Variants in TASOR2 observed in about 807,000 individuals in gnomAD.
TASOR2 encodes the protein protein TASOR 2.
Under a neutral mutation model 199.5 loss-of-function variants are expected in TASOR2, and 84 were observed. That is an observed-to-expected ratio of 0.42 (90% CI 0.35 to 0.50). The LOEUF (loss-of-function observed/expected upper bound fraction) is 0.50. Ranked by LOEUF, TASOR2 falls within the 20% of genes least tolerant of loss-of-function variation. The pLI is 0.02. For synonymous variants in TASOR2, 1,103 were observed against 1,046.6 expected, an observed-to-expected ratio of 1.05 and a Z score of -1.04; for missense variants, 2,796 against 2,835.9, an observed-to-expected ratio of 0.99 and a Z score of 0.32.
chr10:5,709,772 A>C (rs1199691355), intron 1 of TASOR2: 1 of 989,854 alleles, frequency 1.0e-6, no homozygotes, highest in Non-Finnish European at 1.3e-6. Flanking sequence ...GACTTTAAAA[A>C]ATTATGATTT....
Position 5,686,565 on chromosome 10 carries a change from A to G in TASOR2, c.-288+1390A>G, listed in dbSNP as rs554080016. Among the ~76,000 whole-genome samples, 82 of 152,336 alleles carry G rather than the reference A, an allele frequency of 5.4e-4. No homozygotes were observed. In the South Asian group the frequency reaches 5.4e-3, roughly 10 times the overall value. On this transcript the variant is annotated intron_variant, in intron 1 of 20. Coordinates refer to ENST00000328090, the Ensembl canonical transcript of TASOR2. ...AGTATTTCTGTAGAATTGACTCCTT[A>G]TGAGAGTGCTGGATAACCATGTTGC...
rs988230756 is a variant in TASOR2 at position 5,720,519 on chromosome 10, A to T, written c.-99-25A>T. On this transcript the variant is annotated intron_variant, in intron 3 of 20. Coordinates refer to ENST00000328090, the Ensembl canonical transcript of TASOR2. The surrounding 1 kb of genome is among the most constrained non-coding windows in gnomAD (Gnocchi z 5.3). ...TATGCAGTTCCATAGTGCTACCCTGATAATACTTATTTTTCCTCTTTCAGT... is the reference window on the plus strand; with the variant it reads ...TATGCAGTTCCATAGTGCTACCCTGTTAATACTTATTTTTCCTCTTTCAGT... 2.6e-6 allele frequency: 4 copies of T among 1,548,780 alleles called. No homozygotes were observed. The African/African-American group carries it at 5.5e-5, about 21-fold the overall frequency.
chr10:5,712,674 T>C, intron 1 of TASOR2, 149 bp from the exon 2 acceptor site: 1 of 807,054 alleles, frequency 1.2e-6, no homozygotes, highest in East Asian at 3.4e-5. Context: ...AATAGTCACT[T>C]GGAAGGTAAT....
intron 16 of TASOR2, 35 bp downstream of exon 17, chr10:5,756,773 C>G: frequency 6.2e-7 from 1 of 1,601,838 alleles, no homozygotes. Context: ...AAACGTATTC[C>G]AGGCACATAA....
intron 16 of TASOR2, among the ~76,000 whole-genome samples, chr10:5,757,066 T>C (rs980548540): frequency 6.6e-6 from 1 of 152,246 alleles, no homozygotes; most frequent in Admixed American, 6.5e-5. Context: ...TGAACCATTA[T>C]ATTTACCAGC....
At chr10:5,762,130 G>A (rs1276684131) in intron 19 of TASOR2, among the ~76,000 whole-genome samples, 5 of 152,002 alleles carry the variant, frequency 3.3e-5, no homozygotes. Flanking sequence ...GGCAGGTGTG[G>A]TGATGTGTGC....
rs184954504 is a variant in TASOR2 at position 5,746,410 on chromosome 10, G to A, written c.2989G>A (p.Gly997Ser). 6,052 of 1,614,060 alleles carry A rather than the reference G, an allele frequency of 3.7e-3. 48 individuals carry two copies. The highest frequency in any genetic ancestry group is 2.7e-3 in the Non-Finnish European group (3,243 of 1,180,008). The change falls in exon 15 of 21, where the codon GGC (glycine) becomes AGC (serine). Residue 997 changes from glycine (G) to serine (S), a missense_variant. Physicochemically the swap from Gly to Ser is moderately conservative, Grantham distance 56. Around this residue, in one of 3 missense-constraint regions of TASOR2, gnomAD observed 1,941 missense variants for 1,924.9 expected, o/e 1.01. Coordinates refer to ENST00000328090, the Ensembl canonical transcript of TASOR2. ...AGTGATATGTCAGAGCTCTGTGTACGGCACCCTTGAAAACAAAGTGGATAT... is the reference window on the plus strand; with the variant it reads ...AGTGATATGTCAGAGCTCTGTGTACAGCACCCTTGAAAACAAAGTGGATAT...
At chr10:5,734,380 A>T (rs1835265926) in intron 11 of TASOR2, among the ~76,000 whole-genome samples, 1 of 152,254 alleles carries the variant, frequency 6.6e-6, no homozygotes, top group South Asian at 2.1e-4. Context: ...CAGGCTTCCC[A>T]GAGCGCTTCT....
At chr10:5,762,320 A>T (rs979489655) in intron 19 of TASOR2, among the ~76,000 whole-genome samples, 89 of 150,548 alleles carry the variant, frequency 5.9e-4, no homozygotes, top group Non-Finnish European at 9.3e-4. Context: ...TTTTTCAGGG[A>T]TTTTTTTTCA....
rs1835681891 is a variant in TASOR2 at position 5,685,290 on chromosome 10, C to G, written c.-288+115C>G. 2.5e-6 allele frequency: 1 copy of G among 396,526 alleles called. No homozygotes were observed. The highest frequency in any genetic ancestry group is 4.4e-5 in the Admixed American group (1 of 22,658). The allele number at this position is 396,526 out of a possible 1,614,324, so 24.6% of individuals were successfully genotyped here. A position where few individuals can be genotyped will look rare whatever the true frequency, so the allele number is the denominator to read the frequency against. ...TGGCTGCGAGGGTCGACGCGTTCTC[C>G]TTGCCTTTTGCCGCGCTCCGGGTGA... On this transcript the variant is annotated intron_variant, in intron 1 of 20. Transcript: ENST00000328090. This position sits in a 1 kb window ranked among gnomAD's most constrained non-coding sequence, Gnocchi z 5.4.
chr10:5,695,106 T>C (rs765134857), intron 1 of TASOR2, among the ~76,000 whole-genome samples: 10 of 152,360 alleles, frequency 6.6e-5, no homozygotes, highest in Middle Eastern at 3.4e-3. Flanking sequence ...TCATTTCTTT[T>C]TCTGAGTTTC....
intron 1 of TASOR2, chr10:5,712,369 C>A (rs562757299): frequency 8.1e-7 from 1 of 1,230,082 alleles, no homozygotes; most frequent in Non-Finnish European, 1.0e-6. Flanking sequence ...TAAATAGCTG[C>A]GTTATTTTTG....
At position 5,748,737 on chromosome 10, in the gene TASOR2, G is replaced by T; in HGVS notation, c.5316G>T (p.Leu1772Phe). The change falls in exon 15 of 21, where the codon TTG becomes TTT. Residue 1772 changes from leucine (L) to phenylalanine (F), a missense_variant. By Grantham distance (22) the Leu-to-Phe change is conservative. This residue lies in a region of TASOR2 where 1,941 missense variants were observed against 1,924.9 expected (regional missense o/e 1.01). Transcript: ENST00000328090. This position sits in a 1 kb window ranked among gnomAD's most constrained non-coding sequence, Gnocchi z 5.1. ...AGGAAAACCTCAGTAAAGAGCCTTT[G>T]GCCTCCTTTGTTTCAGAATCCTTTG... is the stretch of plus-strand genomic sequence containing the variant. The T allele has an allele frequency of 6.2e-7, 1 of 1,614,146 alleles. No individual in the cohort carries two copies. The highest frequency in any genetic ancestry group is 8.5e-7 in the Non-Finnish European group (1 of 1,180,036).
intron 11 of TASOR2, among the ~76,000 whole-genome samples, chr10:5,732,067 GA>G (rs1834890072): frequency 6.6e-6 from 1 of 152,214 alleles, no homozygotes; most frequent in African/African-American, 2.4e-5. Context: ...TTAGAGTCTT[GA>G]GCTACTTAGT....
exon 15 of TASOR2, chr10:5,746,859 C>T (rs529716065): frequency 9.9e-6 from 16 of 1,614,176 alleles, no homozygotes; most frequent in Middle Eastern, 1.7e-4. Flanking sequence ...AGGAGACGCC[C>T]CTTCCAGTCT....
intron 1 of TASOR2, among the ~76,000 whole-genome samples, chr10:5,704,897 A>G (rs759408462): frequency 6.6e-5 from 10 of 152,024 alleles, no homozygotes; most frequent in Non-Finnish European, 1.2e-4. Flanking sequence ...ATTTTACTTG[A>G]TTTTGGTCAG....
rs1284723115 is a variant in TASOR2 at position 5,720,084 on chromosome 10, A to G, written c.-99-460A>G. On this transcript the variant is annotated intron_variant, in intron 3 of 20. Coordinates refer to ENST00000328090, the Ensembl canonical transcript of TASOR2. The surrounding 1 kb of genome is among the most constrained non-coding windows in gnomAD (Gnocchi z 5.3). ...AGTCCATTTTTAAGGGTTCATGGAT[A>G]ATCAAAACTATTTTTGGCCTTAAGA... is the stretch of plus-strand genomic sequence containing the variant. Among the ~76,000 whole-genome samples, 1 of 152,236 alleles carries G rather than the reference A, an allele frequency of 6.6e-6. No individual in the cohort carries two copies. Among genetic ancestry groups the G allele is most frequent in the Non-Finnish European group, 1.5e-5 (1 of 68,042 alleles).
chr10:5,712,676 GAAGGTAATTATTCTAGGGA>G lies in TASOR2; in HGVS notation c.-287-145_-287-127del. 3.7e-6 allele frequency: 3 copies of G among 804,372 alleles called. No individual in the cohort carries two copies. In the South Asian group the frequency reaches 2.0e-4, roughly 54 times the overall value. The allele number at this position is 804,372 out of a possible 1,614,324, so 49.8% of individuals were successfully genotyped here. A position where few individuals can be genotyped will look rare whatever the true frequency, so the allele number is the denominator to read the frequency against. On this transcript the variant is annotated intron_variant, in intron 1 of 20. Transcript: ENST00000328090. The stretch of plus-strand genomic sequence containing the variant: ...GCAGATCCTTGGAAATAGTCACTTG[GAAGGTAATTATTCTAGGGA>G]ATAGAAAAATAATGCATTTATGTTT...
rs748855402 is a variant in TASOR2, at chr10:5,698,452, AAGAG to A, written c.-288+13283_-288+13286del. The stretch of plus-strand genomic sequence containing the variant: ...ACAGTTATATGATTAAAAATAAAAA[AAGAG>A]AGAGAAAAACCACAATTTTCTACAG... On this transcript the variant is annotated intron_variant, in intron 1 of 20. Coordinates refer to ENST00000328090, the Ensembl canonical transcript of TASOR2. This position sits in a 1 kb window ranked among gnomAD's most constrained non-coding sequence, Gnocchi z 4.4. Among the ~76,000 whole-genome samples the A allele has an allele frequency of 7.2e-5, 11 of 152,232 alleles. No individual in the cohort carries two copies. Among genetic ancestry groups the A allele is most frequent in the African/African-American group, 1.2e-4 (5 of 41,462 alleles).
Sources: gnomAD v4.1 joint callset for allele counts (sites outside exome capture counted in the v4.1 genomes callset) on GRCh38, gnomAD v4.1.1 for gene constraint, gnomAD v4.1.1 regional missense constraint, Gnocchi (gnomAD v3.1) non-coding constraint, MANE v1.5 for transcripts, NCBI Gene and HGNC (gene_info 2026-07-23, HGNC 2026-07-21) for gene names.